Variants in SCN7A observed in about 807,000 individuals in gnomAD.
SCN7A encodes the protein sodium voltage-gated channel alpha subunit 7.
Under a neutral mutation model 155.2 loss-of-function variants are expected in SCN7A, and 138 were observed. The observed-to-expected ratio is 0.89, with a 90% CI of 0.77 to 1.02. The LOEUF is 1.02. SCN7A is among the 50% of genes least tolerant of loss of function. SCN7A has a pLI of 0.00. For synonymous variants in SCN7A, 693 were observed against 649.0 expected (o/e 1.07, Z -1.03); for missense variants, 2,058 against 1,986.6 (o/e 1.04, Z -0.68).
chr2:166,423,526 G>A, intron 18 of SCN7A, 94 bp from the exon 19 acceptor site: 1 of 1,342,612 alleles, frequency 7.4e-7, no homozygotes, highest in Non-Finnish European at 9.8e-7. Flanking sequence ...GTCTCTAATA[G>A]GCATATGGTG....
intron 11 of SCN7A, among the ~76,000 whole-genome samples, chr2:166,449,139 T>C (rs890462418): frequency 6.6e-6 from 1 of 152,154 alleles, no homozygotes; most frequent in African/African-American, 2.4e-5. Flanking sequence ...TTCTATGCAT[T>C]GATAACTCTC....
In SCN7A at chr2:166,417,000, A is replaced by C; in HGVS notation, c.3136-15T>G. 1 of 1,535,790 alleles carries C rather than the reference A, an allele frequency of 6.5e-7. No individual in the cohort carries two copies. Among genetic ancestry groups the C allele is most frequent in the African/African-American group, 1.4e-5 (1 of 72,030 alleles). ...CTCACAACCACCTGGTATATATAAA[A>C]AATGTAAACTTTAGATAGGAAATCT... is the stretch of plus-strand genomic sequence containing the variant. On this transcript the variant is annotated splice_polypyrimidine_tract_variant and intron_variant, in intron 20 of 25. Transcript: ENST00000643258.
At chr2:166,440,648 C>G (rs1701939887) in intron 15 of SCN7A, 1 of 151,688 alleles carries the variant, frequency 6.6e-6, no homozygotes, top group Non-Finnish European at 1.5e-5. Context: ...AATTTGTATA[C>G]AATAAATACA....
intron 15 of SCN7A, chr2:166,436,328 T>C (rs1291151541): frequency 5.3e-6 from 2 of 376,050 alleles, no homozygotes; most frequent in Admixed American, 5.6e-5. Flanking sequence ...CTGATGGTTT[T>C]ATAAGGGGCT....
intron 9 of SCN7A, 121 bp downstream of exon 9, chr2:166,465,341 G>C (rs1162561176): frequency 5.4e-6 from 4 of 739,192 alleles, no homozygotes; most frequent in Admixed American, 5.4e-5. Flanking sequence ...TCTCAGTATG[G>C]TTTTGATGAT....
At chr2:166,417,030 CTG>C in intron 20 of SCN7A, 45 bp from the exon 21 acceptor site, 1 of 1,424,666 alleles carries the variant, frequency 7.0e-7, no homozygotes. Context: ...AAATCTGAAA[CTG>C]TTTTAGTTTT....
chr2:166,484,450 A>G (rs1336825551), intron 2 of SCN7A, among the ~76,000 whole-genome samples: 1 of 151,812 alleles, frequency 6.6e-6, no homozygotes, highest in African/African-American at 2.4e-5. Context: ...ATATATAAAT[A>G]GCTGAAACTC....
intron 20 of SCN7A, among the ~76,000 whole-genome samples, chr2:166,418,581 T>C (rs1452789998): frequency 6.6e-6 from 1 of 152,038 alleles, no homozygotes; most frequent in Non-Finnish European, 1.5e-5. Context: ...CTCTTCCTTA[T>C]GTTCCATAGT....
At chr2:166,407,818 G>A (rs1415796097) in intron 25 of SCN7A, among the ~76,000 whole-genome samples, 3 of 151,726 alleles carry the variant, frequency 2.0e-5, no homozygotes, top group Non-Finnish European at 4.4e-5. Flanking sequence ...AGGTATACAT[G>A]TGCCATGGTG....
chr2:166,447,764 T>G, intron 11 of SCN7A, 56 bp from the exon 12 acceptor site: 2 of 1,240,998 alleles, frequency 1.6e-6, no homozygotes, highest in South Asian at 2.5e-5. Context: ...GGTCCAAGAC[T>G]ATAAGAAGGT....
chr2:166,472,494 T>G, intron 5 of SCN7A, 49 bp from the exon 6 acceptor site: 1 of 1,380,316 alleles, frequency 7.2e-7, no homozygotes, highest in Non-Finnish European at 1.0e-6. Context: ...TAATACATTG[T>G]CAACTCTGAA....
Position 166,473,894 on chromosome 2 carries a change from T to C in SCN7A, c.354-6A>G. On this transcript the variant is annotated splice_polypyrimidine_tract_variant and splice_region_variant and intron_variant, in intron 4 of 25. Coordinates refer to ENST00000643258, the MANE Select transcript of SCN7A (RefSeq NM_002976.4). ...GAATAAACAGTTGGAAAAAGGTAGC[T>C]TATAGTCAAGGAATAATAGTTAATA... 6.7e-7 allele frequency: 1 copy of C among 1,497,672 alleles called. No individual in the cohort carries two copies. The highest frequency in any genetic ancestry group is 9.2e-7 in the Non-Finnish European group (1 of 1,088,890). The allele number at this position is 1,497,672 out of a possible 1,614,324, so 92.8% of individuals were successfully genotyped here.
rs33922582 is a variant in SCN7A, at chr2:166,413,119, T to G, written c.3417A>C (p.Ala1139=). The change falls in exon 22 of 26, where the codon GCA becomes GCC. Residue 1139 remains alanine, a splice_region_variant and synonymous_variant. Transcript: ENST00000643258. Reference sequence around the variant, plus strand: ...TAATAGTGATCCATCCATTAAATGTTGCCTGTAAAAATAAAATGCATTTAA... The same window carrying G: ...TAATAGTGATCCATCCATTAAATGTGGCCTGTAAAAATAAAATGCATTTAA... ...GNGFLSLLQV[A]TFNGWITIMN... is the part of the protein sequence containing the mutation. The G allele has an allele frequency of 0.088, 132,567 of 1,504,096 alleles. 6,600 individuals carry two copies. The highest frequency in any genetic ancestry group is 0.17 in the Middle Eastern group (985 of 5,810). The allele number at this position is 1,504,096 out of a possible 1,614,324, so 93.2% of individuals were successfully genotyped here. A position where few individuals can be genotyped will look rare whatever the true frequency, so the allele number is the denominator to read the frequency against.
intron 2 of SCN7A, among the ~76,000 whole-genome samples, chr2:166,478,468 G>A (rs1336461124): frequency 6.6e-6 from 1 of 151,716 alleles, no homozygotes; most frequent in Non-Finnish European, 1.5e-5. Context: ...TCAAGTACAT[G>A]TGAATATTTC....
intron 10 of SCN7A, among the ~76,000 whole-genome samples, chr2:166,460,530 C>T (rs1348593289): frequency 6.6e-6 from 1 of 152,018 alleles, no homozygotes; most frequent in East Asian, 1.9e-4. Context: ...ACACCACAAT[C>T]TAAGGAAAGT....
intron 11 of SCN7A, among the ~76,000 whole-genome samples, chr2:166,455,201 CCAGA>C (rs1702249061): frequency 6.6e-6 from 1 of 152,044 alleles, no homozygotes; most frequent in African/African-American, 2.4e-5. Flanking sequence ...TGCATTAACA[CCAGA>C]CATTTTTCAA....
chr2:166,481,176 C>G (rs1259576731), intron 2 of SCN7A, among the ~76,000 whole-genome samples: 1 of 152,128 alleles, frequency 6.6e-6, no homozygotes, highest in South Asian at 2.1e-4. Flanking sequence ...CTTAGACCTA[C>G]AGTCAAATCC....
At chr2:166,413,674 G>C (rs1015088919) in intron 21 of SCN7A, among the ~76,000 whole-genome samples, 2 of 151,842 alleles carry the variant, frequency 1.3e-5, no homozygotes, top group Non-Finnish European at 2.9e-5. Context: ...TAACATTTGA[G>C]TCAGTGGGCT....
In SCN7A at chr2:166,427,732, G is replaced by C. The variant is rs1701653785; in HGVS notation, c.2853+56C>G. The C allele has an allele frequency of 2.0e-6, 3 of 1,492,764 alleles. No homozygotes were observed. The East Asian group carries it at 7.0e-5, about 35-fold the overall frequency. 92.5% of individuals were successfully genotyped at this position (1,492,764 alleles called of 1,614,324 possible). A position where few individuals can be genotyped will look rare whatever the true frequency, so the allele number is the denominator to read the frequency against. On this transcript the variant is annotated intron_variant, in intron 18 of 25. Coordinates refer to ENST00000643258, the MANE Select transcript of SCN7A (RefSeq NM_002976.4). Reference sequence around the variant, plus strand: ...CTGGTTTTGACTTTCTGAATTAACAGAATCATGATACATTTGTCCCCAGCA... The same window carrying C: ...CTGGTTTTGACTTTCTGAATTAACACAATCATGATACATTTGTCCCCAGCA...
Sources: allele counts gnomAD v4.1 joint callset (sites outside exome capture counted in the v4.1 genomes callset), GRCh38; gene constraint gnomAD v4.1.1; transcripts MANE v1.5; gene names NCBI Gene and HGNC (gene_info 2026-07-23, HGNC 2026-07-21).